The following WNT2B variants were observed in gnomAD, a reference collection of about 807,000 sequenced individuals.
The protein encoded by WNT2B is Wnt family member 2B, also known as protein Wnt-2b.
Under a neutral mutation model 40.5 loss-of-function variants are expected in WNT2B, and 19 were observed. That is an observed-to-expected ratio of 0.47 (90% confidence interval 0.33 to 0.69). The LOEUF (loss-of-function observed/expected upper bound fraction) is 0.69. WNT2B is among the 30% of genes least tolerant of loss of function. The probability of loss-of-function intolerance (pLI) is 0.02; values close to 1 mark genes in which losing one functional copy is unlikely to be tolerated. For synonymous variants in WNT2B, 220 were observed against 211.9 expected, an observed-to-expected ratio of 1.04 and a Z score of -0.33; for missense variants, 467 against 556.4, an observed-to-expected ratio of 0.84 and a Z score of 1.62.
At chr1:112,498,672 T>A (rs61820477) in intron 1 of WNT2B, among the ~76,000 whole-genome samples, 13,196 of 152,230 alleles carry the variant, frequency 0.087, 624 homozygotes, top group Non-Finnish European at 0.096. Context: ...TCCTCCAGTT[T>A]GGAAATTGTT....
chr1:112,477,516 A>G (rs940412960), intron 1 of WNT2B, among the ~76,000 whole-genome samples: 6 of 152,230 alleles, frequency 3.9e-5, no homozygotes, highest in Non-Finnish European at 7.3e-5. Flanking sequence ...GGAACACAAT[A>G]ATTTTTCAGT....
intron 1 of WNT2B, among the ~76,000 whole-genome samples, chr1:112,470,903 G>T (rs956820928): frequency 6.6e-6 from 1 of 152,228 alleles, no homozygotes; most frequent in African/African-American, 2.4e-5. Flanking sequence ...GGTCTGGAAA[G>T]TGTCTGCTCT....
chr1:112,484,290 T>C (rs111600273), intron 1 of WNT2B, among the ~76,000 whole-genome samples: 26,412 of 123,412 alleles, frequency 0.21, 3,110 homozygotes, highest in East Asian at 0.35. Flanking sequence ...TATATATATA[T>C]ACACACACAT....
intron 1 of WNT2B, among the ~76,000 whole-genome samples, chr1:112,479,603 A>G (rs919283744): frequency 6.6e-6 from 1 of 152,182 alleles, no homozygotes; most frequent in Non-Finnish European, 1.5e-5. Context: ...ATGGATATAC[A>G]GTATAAAAAC....
chr1:112,509,557 G>A lies in WNT2B; in HGVS notation c.182+113G>A, dbSNP rs1652271194. 8.1e-7 allele frequency: 1 copy of A among 1,232,486 alleles called. No individual in the cohort carries two copies. Among genetic ancestry groups the A allele is most frequent in the South Asian group, 1.7e-5 (1 of 59,022 alleles). 76.3% of individuals were successfully genotyped at this position (1,232,486 alleles called of 1,614,324 possible). On this transcript the variant is annotated intron_variant, in intron 1 of 4. Coordinates refer to ENST00000369684, the MANE Select transcript of WNT2B (RefSeq NM_024494.3). The surrounding 1 kb of genome is among the most constrained non-coding windows in gnomAD (Gnocchi z 4.2). The stretch of plus-strand genomic sequence containing the variant: ...GCTGTTGCTTCGACGGGTTGGAGAC[G>A]ATTCGGGCAGGACTGTCACTGAAAT...
intron 1 of WNT2B, among the ~76,000 whole-genome samples, chr1:112,472,995 AGGGGAGGGAAG>A (rs1650929601): frequency 9.7e-6 from 1 of 102,748 alleles, no homozygotes; most frequent in Non-Finnish European, 1.8e-5. Flanking sequence ...AGAGGGAGGG[AGGGGAGGGAAG>A]GGGAGAGAGA....
chr1:112,490,917 T>C, intron 1 of WNT2B: 4 of 1,302,334 alleles, frequency 3.1e-6, no homozygotes, highest in Non-Finnish European at 4.4e-6. Flanking sequence ...CCAATAGCTC[T>C]ACCCTAAATA....
chr1:112,478,131 G>A (rs145678030), intron 1 of WNT2B, among the ~76,000 whole-genome samples: 99 of 152,224 alleles, frequency 6.5e-4, no homozygotes, highest in Middle Eastern at 6.8e-3. Flanking sequence ...CAACTCAGGA[G>A]GCTGAGTTAG....
In WNT2B at chr1:112,525,168, G is replaced by T. The variant is rs1002711909; in HGVS notation, c.*4659G>T. 1.3e-5 allele frequency: 2 copies of T among 152,192 alleles called. No homozygotes were observed. The highest frequency in any genetic ancestry group is 4.8e-5 in the African/African-American group (2 of 41,408). 9.4% of individuals were successfully genotyped at this position (152,192 alleles called of 1,614,324 possible). On this transcript the variant is annotated 3_prime_UTR_variant, in exon 5 of 5. Transcript: ENST00000369684. The stretch of plus-strand genomic sequence containing the variant: ...GAGCAGTCTCCTATGACTGCATGGG[G>T]TATAACTGCCAAGCCTACTGCTCAT...
chr1:112,504,840 G>A (rs375454958), upstream of WNT2B, among the ~76,000 whole-genome samples: 5 of 152,020 alleles, frequency 3.3e-5, no homozygotes, highest in African/African-American at 4.8e-5. Flanking sequence ...CCCACCCACC[G>A]GGAAAAAGAG....
At chr1:112,495,516 A>G (rs949306695) in intron 1 of WNT2B, among the ~76,000 whole-genome samples, 1 of 152,038 alleles carries the variant, frequency 6.6e-6, no homozygotes, top group African/African-American at 2.4e-5. Context: ...GTGAACCCAG[A>G]AGGCGGAGCT....
intron 1 of WNT2B, among the ~76,000 whole-genome samples, chr1:112,503,747 G>A (rs757571675): frequency 1.3e-5 from 2 of 152,132 alleles, no homozygotes; most frequent in Non-Finnish European, 2.9e-5. Context: ...CAGACAGGGA[G>A]GGGGAGGCAG....
intron 1 of WNT2B, among the ~76,000 whole-genome samples, chr1:112,497,190 C>T (rs551787406): frequency 2.3e-4 from 35 of 152,250 alleles, no homozygotes; most frequent in Non-Finnish European, 4.1e-4. Flanking sequence ...CATGCCTCAA[C>T]GGGTCTGAGG....
chr1:112,473,416 A>G (rs1650953639), intron 1 of WNT2B, among the ~76,000 whole-genome samples: 1 of 152,220 alleles, frequency 6.6e-6, no homozygotes, highest in Admixed American at 6.5e-5. Context: ...CTAAAATCAA[A>G]CTTCTAGAGA....
At chr1:112,512,468 G>T (rs1328907795) in intron 1 of WNT2B, among the ~76,000 whole-genome samples, 1 of 152,234 alleles carries the variant, frequency 6.6e-6, no homozygotes, top group Non-Finnish European at 1.5e-5. Context: ...AGATACTGCT[G>T]TTCTGGGGAC....
chr1:112,508,677 G>T (rs1427758430), upstream of WNT2B: 2 of 980,030 alleles, frequency 2.0e-6, no homozygotes, highest in Non-Finnish European at 1.2e-6. This position sits in a 1 kb window ranked among gnomAD's most constrained non-coding sequence, Gnocchi z 4.2. Context: ...TAGAAGTGGG[G>T]CTGCTGAGTG....
At chr1:112,519,872 C>CTTTTTTTTTT (rs71081244) in intron 4 of WNT2B, among the ~76,000 whole-genome samples, 1 of 115,648 alleles carries the variant, frequency 8.6e-6, no homozygotes. Flanking sequence ...GCCCATGCTT[C>CTTTTTTTTTT]TTTTTTTTTT....
intron 1 of WNT2B, among the ~76,000 whole-genome samples, chr1:112,484,250 TATATACACATATATATATACAC>T (rs1459959359): frequency 5.5e-5 from 7 of 126,656 alleles, no homozygotes; most frequent in Non-Finnish European, 1.1e-4. Flanking sequence ...TATACACATA[TATATACACATATATATATACAC>T]ATATATATAT....
At chr1:112,466,542 A>C (rs1302870157) in exon 1 of WNT2B, 3 of 144,886 alleles carry the variant, frequency 2.1e-5, no homozygotes, top group Non-Finnish European at 4.4e-5. Context: ...GTAAAAAAAA[A>C]CAGAGAACAG....
Sources: gnomAD v4.1 joint callset for allele counts (sites outside exome capture counted in the v4.1 genomes callset) on GRCh38, gnomAD v4.1.1 for gene constraint, Gnocchi (gnomAD v3.1) non-coding constraint, MANE v1.5 for transcripts, NCBI Gene and HGNC (gene_info 2026-07-23, HGNC 2026-07-21) for gene names.